The following ABL2 variants were observed in gnomAD, a reference collection of about 807,000 sequenced individuals.
The protein encoded by ABL2 is tyrosine-protein kinase ABL2.
A neutral mutation model predicts 107.7 loss-of-function variants in ABL2; 49 were observed. That is an observed-to-expected ratio of 0.45 (90% CI 0.36 to 0.58). The LOEUF (loss-of-function observed/expected upper bound fraction) is 0.58. Ranked by LOEUF, ABL2 falls within the 20% of genes least tolerant of loss-of-function variation. The pLI is 0.00. For synonymous variants in ABL2, 549 were observed against 548.6 expected (o/e 1.00, Z -0.01); for missense variants, 1,245 against 1,457.0 (o/e 0.85, Z 2.37).
At chr1:179,177,848 T>C (rs979881782) in intron 1 of ABL2, among the ~76,000 whole-genome samples, 1 of 152,210 alleles carries the variant, frequency 6.6e-6, no homozygotes, top group Admixed American at 6.5e-5. Flanking sequence ...TAAAATTTCT[T>C]TTCCGTAATG....
At chr1:179,206,642 C>T (rs772202433) in intron 1 of ABL2, among the ~76,000 whole-genome samples, 1 of 151,984 alleles carries the variant, frequency 6.6e-6, no homozygotes, top group African/African-American at 2.4e-5. Flanking sequence ...CATAATATAT[C>T]TCTGAAAGTA....
chr1:179,210,280 C>T (rs1372086149), intron 1 of ABL2, among the ~76,000 whole-genome samples: 3 of 152,122 alleles, frequency 2.0e-5, no homozygotes, highest in South Asian at 2.1e-4. Context: ...CTGAAGTGGG[C>T]GGATCACCTG....
chr1:179,193,222 A>T (rs1257593087), intron 1 of ABL2, among the ~76,000 whole-genome samples: 4 of 152,226 alleles, frequency 2.6e-5, no homozygotes, highest in Non-Finnish European at 5.9e-5. Flanking sequence ...GTGCCCGAAG[A>T]AGTCAATTTG....
chr1:179,181,927 C>A (rs974744260), intron 1 of ABL2, among the ~76,000 whole-genome samples: 2 of 149,032 alleles, frequency 1.3e-5, no homozygotes, highest in Admixed American at 6.7e-5. Context: ...ACTATAGTCA[C>A]GTGTCACCAG....
chr1:179,184,660 A>C (rs1660580569), intron 1 of ABL2: 1 of 490,878 alleles, frequency 2.0e-6, no homozygotes, highest in Non-Finnish European at 3.7e-6. Flanking sequence ...TGATAAAGGG[A>C]AGGAAGGACA....
intron 2 of ABL2, 84 bp downstream of exon 2, chr1:179,133,228 C>A: frequency 6.3e-7 from 1 of 1,580,750 alleles, no homozygotes; most frequent in Non-Finnish European, 8.6e-7. Context: ...TTTGTGGTTC[C>A]ATTTATTTTC....
chr1:179,229,528 A>C lies in ABL2; in HGVS notation c.-131T>G. On this transcript the variant is annotated 5_prime_UTR_variant, in exon 1 of 12. Coordinates refer to ENST00000502732, the MANE Select transcript of ABL2 (RefSeq NM_007314.4). ...GGCCCTGGCCCTGAGTGGCTGGGCC[A>C]CCGGCGGCTCCGCACCCGGCCTCCT... 2 of 983,514 alleles carry C rather than the reference A, an allele frequency of 2.0e-6. No individual in the cohort carries two copies. Among genetic ancestry groups the C allele is most frequent in the Admixed American group, 4.3e-5 (1 of 23,474 alleles). 60.9% of individuals were successfully genotyped at this position (983,514 alleles called of 1,614,324 possible).
At chr1:179,181,047 T>C (rs1267039336) in intron 1 of ABL2, among the ~76,000 whole-genome samples, 4 of 152,200 alleles carry the variant, frequency 2.6e-5, no homozygotes, top group Non-Finnish European at 4.4e-5. Context: ...AGAACACACA[T>C]GGATTTGGAC....
intron 1 of ABL2, among the ~76,000 whole-genome samples, chr1:179,170,044 G>A (rs185804706): frequency 1.0e-3 from 154 of 152,032 alleles, no homozygotes; most frequent in Non-Finnish European, 1.9e-3. Flanking sequence ...CAACAACAAC[G>A]ACAACAACAA....
intron 8 of ABL2, among the ~76,000 whole-genome samples, chr1:179,116,048 C>G: frequency 6.6e-6 from 1 of 152,020 alleles, no homozygotes; most frequent in East Asian, 1.9e-4. Flanking sequence ...AAAAAAAGCT[C>G]TGTGTCACAG....
chr1:179,189,976 A>G (rs918191748), intron 1 of ABL2, among the ~76,000 whole-genome samples: 3 of 152,020 alleles, frequency 2.0e-5, no homozygotes. Flanking sequence ...ATGCACCACC[A>G]TGACGGGCTA....
intron 1 of ABL2, among the ~76,000 whole-genome samples, chr1:179,142,370 G>A (rs939191892): frequency 3.9e-5 from 6 of 152,208 alleles, no homozygotes; most frequent in African/African-American, 1.4e-4. Flanking sequence ...TATCATGATT[G>A]AAAAAGTTAA....
At chr1:179,114,254 A>C (rs1190695506) in intron 9 of ABL2, among the ~76,000 whole-genome samples, 2 of 151,948 alleles carry the variant, frequency 1.3e-5, no homozygotes, top group East Asian at 3.9e-4. Flanking sequence ...TCTCAAAAAA[A>C]AAAAAATTAG....
intron 1 of ABL2, chr1:179,201,898 T>A: frequency 1.5e-6 from 2 of 1,310,816 alleles, no homozygotes; most frequent in East Asian, 6.6e-5. Context: ...ATTGAGGAAA[T>A]GCCCCTCAAT....
At position 179,121,914 on chromosome 1, in the gene ABL2, AATTTT is replaced by A. The variant is rs1267544970; in HGVS notation, c.688-52_688-48del. The A allele has an allele frequency of 8.4e-5, 80 of 953,300 alleles. 1 individual carries two copies. In the African/African-American group the frequency reaches 1.5e-3, roughly 18 times the overall value. 59.1% of individuals were successfully genotyped at this position (953,300 alleles called of 1,614,324 possible). A position where few individuals can be genotyped will look rare whatever the true frequency, so the allele number is the denominator to read the frequency against. ...CTAAACAACTTGAAAAGAGATTAAGAATTTTTTTTTTTTTTTTTTTTTTTTTTTTG... is the reference window on the plus strand; with the variant it reads ...CTAAACAACTTGAAAAGAGATTAAGATTTTTTTTTTTTTTTTTTTTTTTTG... On this transcript the variant is annotated intron_variant, in intron 4 of 11. Coordinates refer to ENST00000502732, the MANE Select transcript of ABL2 (RefSeq NM_007314.4).
chr1:179,110,201 G>A lies in ABL2; in HGVS notation c.1825+81C>T, dbSNP rs1653909407. The A allele has an allele frequency of 2.0e-5, 31 of 1,513,880 alleles. No homozygotes were observed. In the South Asian group the frequency reaches 3.1e-4, roughly 15 times the overall value. The allele number at this position is 1,513,880 out of a possible 1,614,324, so 93.8% of individuals were successfully genotyped here. On this transcript the variant is annotated intron_variant, in intron 11 of 11. Transcript: ENST00000502732. ...TTCCCCAGGGAGGACGGGCATGAAA[G>A]TGGACATAAAAGCCTCACACCCCAT...
intron 9 of ABL2, among the ~76,000 whole-genome samples, chr1:179,113,787 C>T (rs1032571951): frequency 2.6e-5 from 4 of 152,030 alleles, no homozygotes; most frequent in East Asian, 1.9e-4. Context: ...AAAAATTAGC[C>T]GGGCGTGGTG....
chr1:179,112,927 G>A (rs1654234534), intron 9 of ABL2, among the ~76,000 whole-genome samples: 1 of 152,068 alleles, frequency 6.6e-6, no homozygotes, highest in Non-Finnish European at 1.5e-5. Flanking sequence ...GCTAATTTTT[G>A]TATTTTTAGT....
In ABL2 at chr1:179,103,145, T is replaced by C. The variant is rs1320557506; in HGVS notation, c.*4573A>G. On this transcript the variant is annotated 3_prime_UTR_variant, in exon 12 of 12. Transcript: ENST00000502732. ...TGTGTTCTGGAGTGAGTACACATTCTTACTTTTTAAAGATCGGAATTAAAC... is the reference window on the plus strand; with the variant it reads ...TGTGTTCTGGAGTGAGTACACATTCCTACTTTTTAAAGATCGGAATTAAAC... 3 of 217,780 alleles carry C rather than the reference T, an allele frequency of 1.4e-5. No homozygotes were observed. The highest frequency in any genetic ancestry group is 2.8e-5 in the Non-Finnish European group (3 of 108,442). 13.5% of individuals were successfully genotyped at this position (217,780 alleles called of 1,614,324 possible). A position where few individuals can be genotyped will look rare whatever the true frequency, so the allele number is the denominator to read the frequency against.
Sources: allele counts gnomAD v4.1 joint callset (sites outside exome capture counted in the v4.1 genomes callset), GRCh38; gene constraint gnomAD v4.1.1; transcripts MANE v1.5; gene names NCBI Gene and HGNC (gene_info 2026-07-23, HGNC 2026-07-21).